The following TMPRSS15 variants were observed in gnomAD, a reference collection of about 807,000 sequenced individuals.
The protein encoded by TMPRSS15 is transmembrane serine protease 15, also known as enteropeptidase.
Under a neutral mutation model 125.3 loss-of-function variants are expected in TMPRSS15, and 128 were observed. The ratio of observed to expected loss-of-function variants is 1.02; its 90% CI spans 0.89 to 1.18. The LOEUF (loss-of-function observed/expected upper bound fraction) is 1.18, where lower values mean the gene tolerates loss of function less well. Among genes scored for constraint, TMPRSS15 ranks in the 50% most tolerant of loss-of-function variants. The pLI is 0.00. For synonymous variants in TMPRSS15, 446 were observed against 423.2 expected (o/e 1.05, Z -0.66); for missense variants, 1,283 against 1,212.7 (o/e 1.06, Z -0.86).
intron 16 of TMPRSS15, among the ~76,000 whole-genome samples, chr21:18,321,110 CG>C (rs1220224369): frequency 4.7e-5 from 7 of 147,454 alleles, no homozygotes; most frequent in African/African-American, 1.3e-4. Flanking sequence ...TGAATTCCAT[CG>C]TTAAGACTCT....
intron 1 of TMPRSS15, among the ~76,000 whole-genome samples, chr21:18,466,213 A>G (rs1978657298): frequency 6.6e-6 from 1 of 152,230 alleles, no homozygotes; most frequent in African/African-American, 2.4e-5. Context: ...AGCCATATGC[A>G]GAAAAGTGAA....
chr21:18,418,174 C>T (rs1394297030), intron 1 of TMPRSS15, among the ~76,000 whole-genome samples: 5 of 152,210 alleles, frequency 3.3e-5, no homozygotes, highest in Admixed American at 2.0e-4. Flanking sequence ...CCTATGGTTT[C>T]ATTTCACCCA....
intron 1 of TMPRSS15, among the ~76,000 whole-genome samples, chr21:18,415,404 G>T (rs2076177325): frequency 6.6e-6 from 1 of 152,016 alleles, no homozygotes; most frequent in African/African-American, 2.4e-5. Context: ...TGATTTTAGT[G>T]CCATAGTCAA....
intron 10 of TMPRSS15, among the ~76,000 whole-genome samples, chr21:18,346,650 A>G (rs80186026): frequency 0.021 from 3,148 of 152,278 alleles, 56 homozygotes; most frequent in Admixed American, 0.026. Flanking sequence ...TTCACACAAC[A>G]TGTCTGTTGC....
At chr21:18,410,931 G>T (rs927722645) in intron 1 of TMPRSS15, among the ~76,000 whole-genome samples, 9 of 151,874 alleles carry the variant, frequency 5.9e-5, no homozygotes, top group Admixed American at 5.3e-4. Flanking sequence ...AACCTCACTG[G>T]CTCTAAGATT....
chr21:18,367,995 CAG>C (rs1190474352), intron 6 of TMPRSS15, among the ~76,000 whole-genome samples: 1 of 152,006 alleles, frequency 6.6e-6, no homozygotes, highest in Non-Finnish European at 1.5e-5. Flanking sequence ...AAAGAAGAAA[CAG>C]AAAATTTTTT....
intron 1 of TMPRSS15, among the ~76,000 whole-genome samples, chr21:18,474,376 C>T (rs568060662): frequency 1.3e-5 from 2 of 151,712 alleles, no homozygotes; most frequent in Admixed American, 1.3e-4. Flanking sequence ...CTGCAACCTT[C>T]GCCTCTTGGG....
At chr21:18,300,794 AT>A (rs35422651) in intron 18 of TMPRSS15, among the ~76,000 whole-genome samples, 3 of 151,696 alleles carry the variant, frequency 2.0e-5, no homozygotes, top group Non-Finnish European at 4.4e-5. Context: ...ATTGACAGTG[AT>A]TTTTTTTTAA....
At chr21:18,470,828 A>C (rs1978764948) in intron 1 of TMPRSS15, among the ~76,000 whole-genome samples, 1 of 152,078 alleles carries the variant, frequency 6.6e-6, no homozygotes, top group African/African-American at 2.4e-5. Context: ...TATAGTATAA[A>C]AAACTTTAAA....
intron 12 of TMPRSS15, 47 bp downstream of exon 12, chr21:18,343,459 C>T: frequency 6.7e-7 from 1 of 1,482,990 alleles, no homozygotes; most frequent in South Asian, 1.2e-5. Flanking sequence ...TATAATTGTT[C>T]CACCACAAAA....
At chr21:18,435,070 A>G (rs1601461594) in intron 1 of TMPRSS15, among the ~76,000 whole-genome samples, 1 of 151,564 alleles carries the variant, frequency 6.6e-6, no homozygotes, top group Non-Finnish European at 1.5e-5. Flanking sequence ...TAAAAATATA[A>G]AAAACACCAA....
At position 18,398,195 on chromosome 21, in the gene TMPRSS15, C is replaced by T; in HGVS notation, c.276+4G>A. ...AAATTTGAAACCAGCTGTCAGTCTCCTACCATTTGCTGAAGGTCAAAAGCA... is the reference window on the plus strand; with the variant it reads ...AAATTTGAAACCAGCTGTCAGTCTCTTACCATTTGCTGAAGGTCAAAAGCA... On this transcript the variant is annotated splice_donor_region_variant and intron_variant, in intron 2 of 24. Transcript: ENST00000284885. 1 of 1,613,710 alleles carries T rather than the reference C, an allele frequency of 6.2e-7. No individual in the cohort carries two copies. The highest frequency in any genetic ancestry group is 1.1e-5 in the South Asian group (1 of 91,070).
chr21:18,440,372 C>CAAAAAAAAAAAAA lies in TMPRSS15; in HGVS notation c.11-42056_11-42044dup, dbSNP rs539968323. On this transcript the variant is annotated intron_variant, in intron 1 of 7. Transcript: ENST00000422787. ...TGGGCGACAGAGCGAAACTCCGTCT[C>CAAAAAAAAAAAAA]AAAAAAAAAAAAAAAAAGAAAACTG... 9.1e-3 allele frequency among the ~76,000 whole-genome samples: 430 copies of CAAAAAAAAAAAAA among 47,102 alleles called. 22 individuals are homozygous for CAAAAAAAAAAAAA. The highest frequency in any genetic ancestry group is 0.022 in the Middle Eastern group (1 of 46). The allele number at this position is 47,102 out of a possible 152,430, so 30.9% of individuals were successfully genotyped here.
intron 10 of TMPRSS15, among the ~76,000 whole-genome samples, chr21:18,347,137 TCTC>T (rs1158330477): frequency 6.6e-6 from 1 of 152,142 alleles, no homozygotes; most frequent in Non-Finnish European, 1.5e-5. Flanking sequence ...CAAACTGTCA[TCTC>T]CTTCAGAAAG....
intron 1 of TMPRSS15, among the ~76,000 whole-genome samples, chr21:18,441,519 A>C (rs2076241459): frequency 6.7e-6 from 1 of 150,006 alleles, no homozygotes; most frequent in Non-Finnish European, 1.5e-5. Flanking sequence ...AGGCAGAAGA[A>C]TCACTTGAAC....
chr21:18,339,866 G>T (rs192528817), intron 13 of TMPRSS15, among the ~76,000 whole-genome samples: 1 of 152,212 alleles, frequency 6.6e-6, no homozygotes, highest in African/African-American at 2.4e-5. Flanking sequence ...AATGGTAATG[G>T]GTTTTGTTCT....
intron 1 of TMPRSS15, among the ~76,000 whole-genome samples, chr21:18,438,122 T>C (rs969114049): frequency 6.6e-5 from 10 of 150,864 alleles, no homozygotes; most frequent in African/African-American, 2.4e-4. Flanking sequence ...GTGGCACATA[T>C]ACACCATGGA....
Position 18,312,951 on chromosome 21 carries a change from C to A in TMPRSS15, c.2159G>T (p.Gly720Val), listed in dbSNP as rs765072586. The change falls in exon 18 of 25, where the codon GGA (glycine) becomes GTA (valine). Residue 720 changes from glycine to valine, a missense_variant. Coordinates refer to ENST00000284885, the MANE Select transcript of TMPRSS15 (RefSeq NM_002772.3). ...ACTCAGTAGAATTACTTACCCTAGT[C>A]CCAGCAGTTGACAAACATCATTTGA... ...QISNDVCQLL[G>V]LGSGNSSKPI... 4.3e-6 allele frequency: 7 copies of A among 1,613,708 alleles called. No individual in the cohort carries two copies. The highest frequency in any genetic ancestry group is 5.9e-6 in the Non-Finnish European group (7 of 1,179,742).
chr21:18,365,344 C>A (rs761293604), intron 6 of TMPRSS15, 96 bp from the exon 7 acceptor site: 11 of 967,384 alleles, frequency 1.1e-5, no homozygotes, highest in East Asian at 2.5e-5. Context: ...AAAACCTGTA[C>A]AAGGTTATTT....
Sources: gnomAD v4.1 joint callset for allele counts (sites outside exome capture counted in the v4.1 genomes callset) on GRCh38, gnomAD v4.1.1 for gene constraint, MANE v1.5 for transcripts, NCBI Gene and HGNC (gene_info 2026-07-23, HGNC 2026-07-21) for gene names.